The following ENPP1 variants were observed in gnomAD, a reference collection of about 807,000 sequenced individuals.
The protein encoded by ENPP1 is ectonucleotide pyrophosphatase/phosphodiesterase 1.
Under a neutral mutation model 122.8 loss-of-function variants are expected in ENPP1, and 73 were observed. The ratio of observed to expected loss-of-function variants is 0.59; its 90% CI spans 0.49 to 0.72. The LOEUF (loss-of-function observed/expected upper bound fraction) is 0.72. ENPP1 is among the 30% of genes least tolerant of loss of function. The pLI is 0.00. For synonymous variants in ENPP1, 367 were observed against 391.6 expected (o/e 0.94, Z 0.74); for missense variants, 978 against 1,128.1 (o/e 0.87, Z 1.91).
At chr6:131,849,455 AG>A (rs1384416305) in intron 2 of ENPP1, among the ~76,000 whole-genome samples, 5 of 152,156 alleles carry the variant, frequency 3.3e-5, no homozygotes, top group Non-Finnish European at 5.9e-5. Context: ...CAGGTCAGGG[AG>A]GGAAGAGCTA....
At chr6:131,817,082 G>A (rs1781423463) in intron 1 of ENPP1, among the ~76,000 whole-genome samples, 1 of 152,132 alleles carries the variant, frequency 6.6e-6, no homozygotes, top group Non-Finnish European at 1.5e-5. Context: ...AGATGTAGGT[G>A]GTTGATTTAC....
At chr6:131,855,756 C>CT (rs200014818) in intron 6 of ENPP1, among the ~76,000 whole-genome samples, 244 of 140,734 alleles carry the variant, frequency 1.7e-3, no homozygotes, top group African/African-American at 1.7e-3. Flanking sequence ...TGGACTCTTC[C>CT]TTTTTTTTTT....
At chr6:131,888,144 G>A (rs1403705189) in intron 24 of ENPP1, among the ~76,000 whole-genome samples, 1 of 152,020 alleles carries the variant, frequency 6.6e-6, no homozygotes, top group Non-Finnish European at 1.5e-5. Flanking sequence ...TTACAGTCAT[G>A]AGCCACTGTG....
intron 1 of ENPP1, chr6:131,827,891 G>T: frequency 7.1e-7 from 1 of 1,400,076 alleles, no homozygotes; most frequent in Non-Finnish European, 1.0e-6. Context: ...CTCACTGACT[G>T]CTCGGCCACT....
chr6:131,808,290 A>T lies in ENPP1; in HGVS notation c.240+15A>T, dbSNP rs1781306135. ...TACTCTCGCTGGTAGGTCCGCGGCC[A>T]GGCCCCGGCGCCCGGGAGGGCTGGG... On this transcript the variant is annotated intron_variant, in intron 1 of 24. Transcript: ENST00000647893. The T allele has an allele frequency of 2.7e-6, 4 of 1,485,722 alleles. No individual in the cohort carries two copies. The highest frequency in any genetic ancestry group is 3.6e-6 in the Non-Finnish European group (4 of 1,113,418). The allele number at this position is 1,485,722 out of a possible 1,614,324, so 92.0% of individuals were successfully genotyped here. A position where few individuals can be genotyped will look rare whatever the true frequency, so the allele number is the denominator to read the frequency against.
At chr6:131,856,336 G>A (rs553905417) in intron 6 of ENPP1, among the ~76,000 whole-genome samples, 1 of 150,462 alleles carries the variant, frequency 6.6e-6, no homozygotes, top group Admixed American at 6.6e-5. Context: ...TGATGGGGTT[G>A]TTTGTTTTTT....
At chr6:131,813,699 A>G (rs1585786877) in intron 1 of ENPP1, among the ~76,000 whole-genome samples, 1 of 152,114 alleles carries the variant, frequency 6.6e-6, no homozygotes, top group African/African-American at 2.4e-5. Context: ...TGTAACATTA[A>G]TGCTGGTCAA....
At chr6:131,862,658 T>TG (rs1782039114) in intron 9 of ENPP1, among the ~76,000 whole-genome samples, 1 of 152,194 alleles carries the variant, frequency 6.6e-6, no homozygotes, top group Admixed American at 6.5e-5. Context: ...CAAAACTGGT[T>TG]GAGCCAGATG....
rs867528965 is a variant in ENPP1, at chr6:131,874,821, G to T, written c.1635+484G>T. ...ATAAATGGATGATTGGATTAAAAAT[G>T]TGTGAGATATATATATATATACACA... On this transcript the variant is annotated intron_variant, in intron 16 of 24. Coordinates refer to ENST00000647893, the MANE Select transcript of ENPP1 (RefSeq NM_006208.3). Among the ~76,000 whole-genome samples the T allele has an allele frequency of 1.5e-4, 20 of 136,102 alleles. No individual in the cohort carries two copies. The East Asian group carries it at 1.9e-3, about 13-fold the overall frequency. The allele number at this position is 136,102 out of a possible 152,430, so 89.3% of individuals were successfully genotyped here.
At chr6:131,814,157 A>G (rs1184958065) in intron 1 of ENPP1, among the ~76,000 whole-genome samples, 1 of 152,206 alleles carries the variant, frequency 6.6e-6, no homozygotes, top group East Asian at 1.9e-4. Context: ...ACACAAGATA[A>G]GATTTCTGGC....
chr6:131,826,964 T>C (rs1273238923), intron 1 of ENPP1: 7 of 398,994 alleles, frequency 1.8e-5, no homozygotes, highest in Non-Finnish European at 3.3e-5. Context: ...ATTTTAAAAT[T>C]CTGCTCCAAA....
chr6:131,851,288 T>C (rs766857648), intron 4 of ENPP1, 21 bp downstream of exon 4: 19 of 1,613,904 alleles, frequency 1.2e-5, no homozygotes, highest in Non-Finnish European at 2.5e-6. Context: ...CGTTGGGCTC[T>C]GCAGCAGCCT....
At chr6:131,870,635 A>G (rs1248373057) in intron 13 of ENPP1, among the ~76,000 whole-genome samples, 1 of 152,246 alleles carries the variant, frequency 6.6e-6, no homozygotes, top group East Asian at 1.9e-4. Context: ...AATGAAGAAA[A>G]TAGATTTCAC....
In ENPP1 at chr6:131,861,704, G is replaced by T. The variant is rs121918025; in HGVS notation, c.1025G>T (p.Gly342Val). Residue 342 changes from glycine to valine, a missense_variant and splice_region_variant, in exon 9 of 25, where the codon GGT becomes GTT. Transcript: ENST00000647893. ...IFPDIYKMYNGSVPFEERILA... is the reference protein window; with the variant it reads ...IFPDIYKMYNVSVPFEERILA... ...CCAGACATCTATAAAATGTATAATG[G>T]GTATGTGAAATGAATTTTTTCTAGG... 1 of 1,528,978 alleles carries T rather than the reference G, an allele frequency of 6.5e-7. No individual in the cohort carries two copies. Among genetic ancestry groups the T allele is most frequent in the Non-Finnish European group, 9.1e-7 (1 of 1,102,428 alleles). 94.7% of individuals were successfully genotyped at this position (1,528,978 alleles called of 1,614,324 possible).
chr6:131,811,357 TATATC>T (rs1243835187), intron 1 of ENPP1, among the ~76,000 whole-genome samples: 4 of 142,634 alleles, frequency 2.8e-5, no homozygotes, highest in Non-Finnish European at 4.5e-5. Flanking sequence ...TAAAAAAACA[TATATC>T]TATATCTATA....
Position 131,860,428 on chromosome 6 carries a change from G to A in ENPP1, c.837G>A (p.Met279Ile), listed in dbSNP as rs148158883. 83 of 1,594,668 alleles carry A rather than the reference G, an allele frequency of 5.2e-5. No individual in the cohort carries two copies. The highest frequency in any genetic ancestry group is 5.9e-5 in the Non-Finnish European group (69 of 1,163,022). The change falls in exon 8 of 25, where the codon ATG becomes ATA. Residue 279 changes from methionine to isoleucine, a missense_variant. By Grantham distance (10) the Met-to-Ile change is conservative. Coordinates refer to ENST00000647893, the MANE Select transcript of ENPP1 (RefSeq NM_006208.3). Reference sequence around the variant, plus strand: ...CTCATGGCATAATCGACAATAAAATGTATGATCCCAAAATGAATGCTTCCT... The same window carrying A: ...CTCATGGCATAATCGACAATAAAATATATGATCCCAAAATGAATGCTTCCT... Reference protein sequence around the residue: ...PESHGIIDNKMYDPKMNASFS... With the variant: ...PESHGIIDNKIYDPKMNASFS...
At chr6:131,832,097 G>A (rs1158318699) in intron 1 of ENPP1, among the ~76,000 whole-genome samples, 1 of 151,486 alleles carries the variant, frequency 6.6e-6, no homozygotes, top group Non-Finnish European at 1.5e-5. Context: ...TTTGACGTGT[G>A]TGTGTTTGTA....
chr6:131,812,472 G>A (rs1433681397), intron 1 of ENPP1, among the ~76,000 whole-genome samples: 1 of 152,138 alleles, frequency 6.6e-6, no homozygotes, highest in Non-Finnish European at 1.5e-5. Flanking sequence ...GATCTTTGAT[G>A]TTTTTGTCTC....
rs145330908 is a variant in ENPP1 at position 131,879,907 on chromosome 6, C to T, written c.1973C>T (p.Pro658Leu). The stretch of plus-strand genomic sequence containing the variant: ...AAGATTATTAAGCATGAAACTTTAC[C>T]CTATGGAAGACCTAGAGTTCTCCAG... Reference protein sequence around the residue: ...EEKIIKHETLPYGRPRVLQKE... With the variant: ...EEKIIKHETLLYGRPRVLQKE... Residue 658 changes from proline to leucine, a missense_variant, in exon 20 of 25, where the codon CCC becomes CTC. Transcript: ENST00000647893. 7 of 1,613,528 alleles carry T rather than the reference C, an allele frequency of 4.3e-6. No individual in the cohort carries two copies. The highest frequency in any genetic ancestry group is 4.0e-5 in the African/African-American group (3 of 74,844).
Sources: allele counts gnomAD v4.1 joint callset (sites outside exome capture counted in the v4.1 genomes callset), GRCh38; gene constraint gnomAD v4.1.1; transcripts MANE v1.5; gene names NCBI Gene and HGNC (gene_info 2026-07-23, HGNC 2026-07-21).